OTOA: variants seen among roughly 807,000 people sequenced by gnomAD.
The protein encoded by OTOA is otoancorin.
Under a neutral mutation model 110.8 loss-of-function variants are expected in OTOA, and 70 were observed. That is an observed-to-expected ratio of 0.63 (90% CI 0.52 to 0.77). The LOEUF (loss-of-function observed/expected upper bound fraction) is 0.77. OTOA is among the 30% of genes least tolerant of loss of function. The pLI, the probability that OTOA is intolerant of heterozygous loss-of-function variation, is 0.00. For missense variants in OTOA, 917 were observed against 1,075.8 expected, an observed-to-expected ratio of 0.85 and a Z score of 2.06; for synonymous variants, 373 against 431.5, an observed-to-expected ratio of 0.86 and a Z score of 1.68.
chr16:21,695,360 T>G (rs1897911588), intron 9 of OTOA, among the ~76,000 whole-genome samples: 1 of 151,462 alleles, frequency 6.6e-6, no homozygotes. Context: ...CACTCCAGCC[T>G]GGACAACAGA....
In OTOA at chr16:21,723,280, G is replaced by A. The variant is rs1255603456; in HGVS notation, c.1880+302G>A. On this transcript the variant is annotated intron_variant, in intron 18 of 28. Coordinates refer to ENST00000646100, the MANE Select transcript of OTOA (RefSeq NM_144672.4). ...CTTTGCGGCTGTGCCAGGCTCCAGG[G>A]GAATCAGAGTTGAGGGGAGCAGTAG... Among the ~76,000 whole-genome samples the A allele has an allele frequency of 2.0e-5, 3 of 152,132 alleles. No homozygotes were observed. In the East Asian group the frequency reaches 5.8e-4, roughly 29 times the overall value.
chr16:21,736,421 C>T lies in OTOA; in HGVS notation c.2431+31C>T, dbSNP rs763680382. On this transcript the variant is annotated intron_variant, in intron 22 of 28. Transcript: ENST00000646100. ...TGTTTTCAGGGTATCTGAGCCATTG[C>T]TGACATAGTAATTAATGTTTTGGGC... The T allele has an allele frequency of 5.6e-6, 9 of 1,613,738 alleles. 1 individual carries two copies. In the South Asian group the frequency reaches 9.9e-5, roughly 18 times the overall value.
At chr16:21,728,521 C>T (rs1456272714) in intron 20 of OTOA, 90 bp downstream of exon 20, 1 of 1,439,420 alleles carries the variant, frequency 6.9e-7, no homozygotes, top group East Asian at 2.5e-5. Flanking sequence ...CAAACAGAGT[C>T]TCTGGCTTAG....
intron 9 of OTOA, among the ~76,000 whole-genome samples, chr16:21,692,795 G>T (rs1403920902): frequency 6.6e-6 from 1 of 151,496 alleles, no homozygotes; most frequent in African/African-American, 2.4e-5. Context: ...TGGCGTGGTG[G>T]TTCATGTCTG....
intron 1 of OTOA, among the ~76,000 whole-genome samples, chr16:21,671,586 C>CAAAAAAAAAAAAAA: frequency 1.3e-5 from 1 of 78,448 alleles, no homozygotes; most frequent in Non-Finnish European, 2.6e-5. Context: ...GACTCCATAT[C>CAAAAAAAAAAAAAA]AAAAAAAAAA....
chr16:21,698,418 G>T (rs1897986746), intron 10 of OTOA, among the ~76,000 whole-genome samples: 1 of 152,140 alleles, frequency 6.6e-6, no homozygotes, highest in Non-Finnish European at 1.5e-5. Context: ...CTCTCCTTTT[G>T]ATGTTGACCC....
chr16:21,758,988 C>G (rs1900081952), intron 28 of OTOA, among the ~76,000 whole-genome samples: 1 of 151,656 alleles, frequency 6.6e-6, no homozygotes. Context: ...GGCAAAAGAG[C>G]AAAACTCCAT....
At chr16:21,664,978 G>GAATAAATAAATAAATA (rs113140289) in intron 1 of OTOA, among the ~76,000 whole-genome samples, 1 of 144,926 alleles carries the variant, frequency 6.9e-6, no homozygotes, top group African/African-American at 2.6e-5. Flanking sequence ...TCTCATGAAT[G>GAATAAATAAATAAATA]AATAAATAAA....
chr16:21,683,518 C>G lies in OTOA; in HGVS notation c.267+1693C>G, dbSNP rs74415782. ...GACAAGCCTTGCCAACATAGCGAGA[C>G]CTTGTCTCTACAAAAACAAACAAAC... On this transcript the variant is annotated intron_variant, in intron 6 of 28. Transcript: ENST00000646100. Among the ~76,000 whole-genome samples the G allele has an allele frequency of 2.0e-5, 3 of 152,022 alleles. No individual in the cohort carries two copies. The East Asian group carries it at 5.8e-4, about 30-fold the overall frequency.
chr16:21,683,454 A>C (rs1966932672), intron 6 of OTOA, among the ~76,000 whole-genome samples: 1 of 152,152 alleles, frequency 6.6e-6, no homozygotes, highest in Non-Finnish European at 1.5e-5. Context: ...GCACTTTGAG[A>C]GGCATAGGTG....
chr16:21,695,885 A>ATTTTTT (rs1216474654), intron 9 of OTOA, among the ~76,000 whole-genome samples: 28 of 50,484 alleles, frequency 5.5e-4, no homozygotes, highest in Non-Finnish European at 8.4e-4. Context: ...ATATATATAT[A>ATTTTTT]TATATATTTT....
chr16:21,714,300 T>TTCCTTCCTTCCTTCCTTCCTTCCTTC (rs1898455390), intron 13 of OTOA, among the ~76,000 whole-genome samples: 1 of 100,342 alleles, frequency 1.0e-5, no homozygotes, highest in Non-Finnish European at 2.1e-5. Flanking sequence ...TCTTTTCCTT[T>TTCCTTCCTTCCTTCCTTCCTTCCTTC]CTTCCTTCCT....
intron 22 of OTOA, among the ~76,000 whole-genome samples, chr16:21,738,399 T>C (rs1239941498): frequency 8.3e-6 from 1 of 120,286 alleles, no homozygotes; most frequent in African/African-American, 2.7e-5. Context: ...CACAATTGGA[T>C]TTGTGTCTAC....
intron 1 of OTOA, among the ~76,000 whole-genome samples, chr16:21,665,157 G>A (rs945384643): frequency 1.3e-5 from 2 of 152,100 alleles, no homozygotes; most frequent in Non-Finnish European, 2.9e-5. Flanking sequence ...TTAAAGCTGG[G>A]GTCTTATCCC....
chr16:21,685,144 G>A (rs913467296), intron 6 of OTOA, 86 bp from the exon 7 acceptor site: 3 of 1,556,764 alleles, frequency 1.9e-6, no homozygotes, highest in Admixed American at 3.4e-5. Flanking sequence ...GGAATGAGGG[G>A]GCCGGGCTGG....
chr16:21,734,288 C>T (rs1899211798), intron 21 of OTOA, among the ~76,000 whole-genome samples: 1 of 149,360 alleles, frequency 6.7e-6, no homozygotes, highest in Admixed American at 6.8e-5. Context: ...CCAAATACCG[C>T]ATGTTCTTAC....
At chr16:21,712,777 G>A (rs1005220064) in intron 13 of OTOA, among the ~76,000 whole-genome samples, 4 of 152,046 alleles carry the variant, frequency 2.6e-5, no homozygotes, top group Admixed American at 1.3e-4. Flanking sequence ...CCTGGGAGGC[G>A]GTGCTTGCAG....
At chr16:21,715,596 AT>A (rs1219857181) in intron 14 of OTOA, among the ~76,000 whole-genome samples, 2 of 151,230 alleles carry the variant, frequency 1.3e-5, no homozygotes, top group Admixed American at 1.3e-4. Flanking sequence ...TGCCTGGCTA[AT>A]TTTTTTAACT....
At chr16:21,669,955 G>A (rs1421413094) in intron 1 of OTOA, among the ~76,000 whole-genome samples, 6 of 151,896 alleles carry the variant, frequency 4.0e-5, no homozygotes, top group East Asian at 3.9e-4. Flanking sequence ...GTGAAATCTC[G>A]TCTCTACCAA....
Sources: allele counts gnomAD v4.1 joint callset (sites outside exome capture counted in the v4.1 genomes callset), GRCh38; gene constraint gnomAD v4.1.1; transcripts MANE v1.5; gene names NCBI Gene and HGNC (gene_info 2026-07-23, HGNC 2026-07-21).